The following GPC5 variants were observed in gnomAD, a reference collection of about 807,000 sequenced individuals.
The protein encoded by GPC5 is glypican 5, also known as glypican-5.
In GPC5, 47 loss-of-function variants were observed where a neutral mutation model predicts 53.9. The observed-to-expected ratio is 0.87, with a 90% CI of 0.69 to 1.11. GPC5 has a LOEUF of 1.11. Ranked by LOEUF, GPC5 falls within the 50% of genes most tolerant of loss-of-function variation. The pLI is 0.00. For synonymous variants in GPC5, 286 were observed against 263.3 expected, an observed-to-expected ratio of 1.09 and a Z score of -0.84; for missense variants, 748 against 713.1, an observed-to-expected ratio of 1.05 and a Z score of -0.56.
chr13:91,998,920 T>C (rs1460640759), intron 6 of GPC5, among the ~76,000 whole-genome samples: 5 of 152,246 alleles, frequency 3.3e-5, no homozygotes, highest in African/African-American at 9.6e-5. Flanking sequence ...ATTGACCTAA[T>C]AGCACTGAAT....
chr13:92,348,570 T>A (rs985263042), intron 7 of GPC5, among the ~76,000 whole-genome samples: 2 of 152,018 alleles, frequency 1.3e-5, no homozygotes, highest in African/African-American at 4.8e-5. Flanking sequence ...ACATATTAGA[T>A]CAAATGGACC....
chr13:92,661,604 G>C (rs1353882547), intron 7 of GPC5, among the ~76,000 whole-genome samples: 1 of 152,092 alleles, frequency 6.6e-6, no homozygotes, highest in Non-Finnish European at 1.5e-5. Flanking sequence ...CTTTGGTTCT[G>C]TAATAATTTA....
At chr13:91,861,982 T>C (rs2039034830) in intron 5 of GPC5, among the ~76,000 whole-genome samples, 1 of 151,910 alleles carries the variant, frequency 6.6e-6, no homozygotes, top group South Asian at 2.1e-4. Flanking sequence ...TCCTTTGTGA[T>C]TGTTTTAGTA....
chr13:91,650,754 T>G (rs1198440991), intron 2 of GPC5, among the ~76,000 whole-genome samples: 6 of 141,968 alleles, frequency 4.2e-5, no homozygotes, highest in Non-Finnish European at 9.0e-5. Context: ...CCATAAGTTT[T>G]TTTTTTTTTT....
chr13:91,482,468 C>A (rs146665213), intron 2 of GPC5, among the ~76,000 whole-genome samples: 59 of 152,276 alleles, frequency 3.9e-4, no homozygotes, highest in African/African-American at 1.4e-3. Context: ...AGGAGACAGC[C>A]CACCTCGTCA....
At chr13:92,097,627 A>G (rs1164420641) in intron 6 of GPC5, among the ~76,000 whole-genome samples, 3 of 152,240 alleles carry the variant, frequency 2.0e-5, no homozygotes, top group Non-Finnish European at 4.4e-5. Flanking sequence ...GCTCTACTGG[A>G]GAGAAGCGAG....
chr13:91,644,064 A>G (rs1460882054), intron 2 of GPC5, among the ~76,000 whole-genome samples: 2 of 151,916 alleles, frequency 1.3e-5, no homozygotes, highest in South Asian at 4.2e-4. Context: ...GACATAGGCT[A>G]CATAGGATAT....
chr13:91,661,508 T>C (rs1448021722), intron 2 of GPC5, among the ~76,000 whole-genome samples: 1 of 152,180 alleles, frequency 6.6e-6, no homozygotes, highest in African/African-American at 2.4e-5. Flanking sequence ...ATTATGCTTG[T>C]TGCATTGCCA....
rs572327814 is a variant in GPC5 at position 92,649,900 on chromosome 13, T to C, written c.1562-216382T>C. ...ATTATTGGCAATACTTCGAATAATT[T>C]AAAAATGCTAGGCTAGGCAAGTCCA... On this transcript the variant is annotated intron_variant, in intron 7 of 7. Transcript: ENST00000377067. Among the ~76,000 whole-genome samples the C allele has an allele frequency of 1.5e-3, 236 of 152,264 alleles. 3 individuals are homozygous for C. The highest frequency in any genetic ancestry group is 2.5e-3 in the Non-Finnish European group (169 of 67,990).
intron 6 of GPC5, among the ~76,000 whole-genome samples, chr13:92,065,998 G>A (rs6492575): frequency 0.55 from 84,206 of 151,844 alleles, 23,662 homozygotes; most frequent in East Asian, 0.79. Flanking sequence ...TTTTAAGTAT[G>A]AGCTAAGGAG....
intron 4 of GPC5, among the ~76,000 whole-genome samples, 154 bp from the exon 5 acceptor site, chr13:91,756,141 C>A (rs1246409364): frequency 1.4e-5 from 2 of 144,516 alleles, no homozygotes; most frequent in Admixed American, 7.0e-5. Flanking sequence ...TATATGAGAA[C>A]AAATAGAGAA....
intron 7 of GPC5, among the ~76,000 whole-genome samples, chr13:92,364,684 C>G (rs979548804): frequency 2.4e-4 from 37 of 151,794 alleles, no homozygotes; most frequent in Non-Finnish European, 1.3e-4. Context: ...GAGCCTAGAT[C>G]GCGCCACTGC....
intron 6 of GPC5, among the ~76,000 whole-genome samples, chr13:91,943,099 C>A (rs766292354): frequency 6.6e-6 from 1 of 151,784 alleles, no homozygotes; most frequent in Non-Finnish European, 1.5e-5. Context: ...GTACTTGTAC[C>A]ATAATTACAC....
chr13:91,744,847 T>C (rs1234607104), intron 4 of GPC5, among the ~76,000 whole-genome samples: 1 of 152,072 alleles, frequency 6.6e-6, no homozygotes, highest in East Asian at 1.9e-4. Context: ...TACTCAATAA[T>C]GATTGTGTGA....
In GPC5 at chr13:92,757,358, G is replaced by T. The variant is rs140404280; in HGVS notation, c.1562-108924G>T. ...AGATGGATTAAAGACTTAAATGTTA[G>T]ACCTAAAACCATAAAAACCATGGAA... On this transcript the variant is annotated intron_variant, in intron 7 of 7. Coordinates refer to ENST00000377067, the MANE Select transcript of GPC5 (RefSeq NM_004466.6). Among the ~76,000 whole-genome samples the T allele has an allele frequency of 4.7e-3, 709 of 152,248 alleles. 5 individuals are homozygous for T. Among genetic ancestry groups the T allele is most frequent in the African/African-American group, 0.016 (685 of 41,526 alleles).
intron 7 of GPC5, among the ~76,000 whole-genome samples, chr13:92,257,369 TTAGG>T (rs1198370644): frequency 6.6e-6 from 1 of 152,004 alleles, no homozygotes; most frequent in African/African-American, 2.4e-5. Flanking sequence ...TATGTGATAC[TTAGG>T]TATGATAATA....
At chr13:91,629,041 C>T (rs1021568195) in intron 2 of GPC5, among the ~76,000 whole-genome samples, 4 of 152,098 alleles carry the variant, frequency 2.6e-5, no homozygotes, top group African/African-American at 9.7e-5. Flanking sequence ...ATAATAGATA[C>T]GTAAAATGAT....
At chr13:92,775,667 G>A (rs1362629491) in intron 7 of GPC5, among the ~76,000 whole-genome samples, 1 of 151,490 alleles carries the variant, frequency 6.6e-6, no homozygotes, top group Non-Finnish European at 1.5e-5. Flanking sequence ...AAAACCTTAT[G>A]ACTCCATATC....
At chr13:91,950,266 G>GTT (rs35957614) in intron 6 of GPC5, among the ~76,000 whole-genome samples, 3,189 of 122,598 alleles carry the variant, frequency 0.026, 94 homozygotes, top group African/African-American at 0.046. Context: ...AAACTGCCAA[G>GTT]TTTTTTTTTT....
Sources: gnomAD v4.1 joint callset for allele counts (sites outside exome capture counted in the v4.1 genomes callset) on GRCh38, gnomAD v4.1.1 for gene constraint, MANE v1.5 for transcripts, NCBI Gene and HGNC (gene_info 2026-07-23, HGNC 2026-07-21) for gene names.